The following TSC22D1 variants were observed in gnomAD, a reference collection of about 807,000 sequenced individuals.
The protein encoded by TSC22D1 is TSC22 domain family protein 1.
A neutral mutation model predicts 74.2 loss-of-function variants in TSC22D1; 9 were observed. The observed-to-expected ratio is 0.12, with a 90% confidence interval of 0.07 to 0.21. TSC22D1 has a LOEUF of 0.21. Among genes scored for constraint, TSC22D1 ranks in the 10% least tolerant of loss-of-function variants. The pLI, the probability that TSC22D1 is intolerant of heterozygous loss-of-function variation, is 1.00. For missense variants in TSC22D1, 1,427 were observed against 1,304.7 expected, an observed-to-expected ratio of 1.09 and a Z score of -1.44; for synonymous variants, 586 against 492.5, an observed-to-expected ratio of 1.19 and a Z score of -2.51.
At chr13:44,549,688 C>A (rs1882082165) in intron 1 of TSC22D1, among the ~76,000 whole-genome samples, 1 of 151,064 alleles carries the variant, frequency 6.6e-6, no homozygotes, top group African/African-American at 2.4e-5. Context: ...GTGGCTTGAG[C>A]CCAAGGAGGC....
At chr13:44,456,032 C>A (rs1174528669) in intron 1 of TSC22D1, among the ~76,000 whole-genome samples, 1 of 152,112 alleles carries the variant, frequency 6.6e-6, no homozygotes, top group African/African-American at 2.4e-5. Flanking sequence ...ATAAGACAGA[C>A]CCAATCTTAC....
intron 1 of TSC22D1, among the ~76,000 whole-genome samples, chr13:44,463,134 T>G (rs1877091146): frequency 6.6e-6 from 1 of 152,170 alleles, no homozygotes; most frequent in South Asian, 2.1e-4. Flanking sequence ...GAGTTTCTCA[T>G]GTGTTTGATT....
chr13:44,533,640 G>A (rs1242207245), intron 1 of TSC22D1, among the ~76,000 whole-genome samples: 1 of 151,736 alleles, frequency 6.6e-6, no homozygotes, highest in African/African-American at 2.4e-5. Flanking sequence ...TAAATTAGCT[G>A]AGCATGATGG....
chr13:44,520,217 G>A (rs557225500), intron 1 of TSC22D1, among the ~76,000 whole-genome samples: 16 of 152,232 alleles, frequency 1.1e-4, no homozygotes, highest in African/African-American at 3.9e-4. Context: ...ATAAAGTCCA[G>A]GTAGAGTGAG....
At chr13:44,496,481 G>A (rs1404660231) in intron 1 of TSC22D1, among the ~76,000 whole-genome samples, 4 of 152,006 alleles carry the variant, frequency 2.6e-5, no homozygotes, top group Admixed American at 2.0e-4. Context: ...GCAGGAGTTC[G>A]AGACCAGCCT....
chr13:44,576,110 C>A lies in TSC22D1; in HGVS notation c.-36G>T. The A allele has an allele frequency of 6.8e-7, 1 of 1,474,004 alleles. No individual in the cohort carries two copies. The highest frequency in any genetic ancestry group is 8.9e-7 in the Non-Finnish European group (1 of 1,118,918). The allele number at this position is 1,474,004 out of a possible 1,614,324, so 91.3% of individuals were successfully genotyped here. On this transcript the variant is annotated 5_prime_UTR_variant, in exon 1 of 3. Coordinates refer to ENST00000458659, the MANE Select transcript of TSC22D1 (RefSeq NM_183422.4). ...ACCGGGGGCGCGGAGGAGACGAGTG[C>A]AATTTCCTTCTGCACCGTAATCTTT...
At chr13:44,462,101 T>C (rs992448525) in intron 1 of TSC22D1, among the ~76,000 whole-genome samples, 4 of 152,162 alleles carry the variant, frequency 2.6e-5, no homozygotes, top group Non-Finnish European at 5.9e-5. Context: ...AATGTAAACA[T>C]CATTTCAAAT....
At chr13:44,510,253 G>A (rs887019447) in intron 1 of TSC22D1, among the ~76,000 whole-genome samples, 4 of 151,596 alleles carry the variant, frequency 2.6e-5, no homozygotes, top group Admixed American at 6.6e-5. Flanking sequence ...TTAGCCGGGC[G>A]TGGTGGCGCA....
At position 44,434,896 on chromosome 13, in the gene TSC22D1, C is replaced by A. The variant is rs771783452; in HGVS notation, c.2965-13G>T. The A allele has an allele frequency of 5.6e-6, 9 of 1,603,520 alleles. No individual in the cohort carries two copies. Among genetic ancestry groups the A allele is most frequent in the Non-Finnish European group, 7.7e-6 (9 of 1,174,816 alleles). ...TTTTCACTAGATCCTGGAAAGAAGA[C>A]AGAAAAGGTTTAACTCATTATTTGG... On this transcript the variant is annotated splice_polypyrimidine_tract_variant and intron_variant, in intron 2 of 2. Transcript: ENST00000458659.
rs562991160 is a variant in TSC22D1 at position 44,574,481 on chromosome 13, C to T, written c.1594G>A (p.Ala532Thr). The T allele has an allele frequency of 2.1e-4, 336 of 1,613,970 alleles. 2 individuals carry two copies. In the South Asian group the frequency reaches 3.4e-3, roughly 16 times the overall value. ...GAAATACTCTGTGGTATACTAACTG[C>T]TGGAATACTCTGTGGACCAGTGCTA... ...FGSTGPQSIP[A>T]VSIPQSISQS... is the part of the protein sequence containing the mutation. Residue 532 changes from alanine to threonine, a missense_variant, in exon 1 of 3, where the codon GCA becomes ACA. By Grantham distance (58) the Ala-to-Thr change is moderately conservative. Around this residue, in one of 3 missense-constraint regions of TSC22D1, gnomAD observed 1,343 missense variants for 1,191.5 expected, o/e 1.13. Coordinates refer to ENST00000458659, the MANE Select transcript of TSC22D1 (RefSeq NM_183422.4).
chr13:44,460,874 T>TAA (rs1345926921), intron 1 of TSC22D1, among the ~76,000 whole-genome samples: 2 of 152,170 alleles, frequency 1.3e-5, no homozygotes, highest in Non-Finnish European at 2.9e-5. Flanking sequence ...GCCCTCCTTC[T>TAA]AAAAAGCTTT....
At position 44,573,802 on chromosome 13, in the gene TSC22D1, G is replaced by A. The variant is rs149172371; in HGVS notation, c.2273C>T (p.Ala758Val). The change falls in exon 1 of 3, where the codon GCT becomes GTT. Residue 758 changes from alanine (A) to valine (V), a missense_variant. Ala to Val is a moderately conservative substitution (Grantham distance 64). Coordinates refer to ENST00000458659, the MANE Select transcript of TSC22D1 (RefSeq NM_183422.4). ...TGGAACCACTTGCGAAGATGGAGGAGCACCCTGCTGAATAACTGAAGGTGG... is the reference window on the plus strand; with the variant it reads ...TGGAACCACTTGCGAAGATGGAGGAACACCCTGCTGAATAACTGAAGGTGG... ...QVPPSVIQQG[A>V]PPSSQVVPPA... The A allele has an allele frequency of 1.1e-5, 17 of 1,614,138 alleles. No homozygotes were observed. The highest frequency in any genetic ancestry group is 1.4e-5 in the Non-Finnish European group (16 of 1,180,054).
At position 44,574,971 on chromosome 13, in the gene TSC22D1, G is replaced by C; in HGVS notation, c.1104C>G (p.Gly368=). The change falls in exon 1 of 3, where the codon GGC becomes GGG. Residue 368 remains glycine (G), a synonymous_variant. Coordinates refer to ENST00000458659, the MANE Select transcript of TSC22D1 (RefSeq NM_183422.4). Reference sequence around the variant, plus strand: ...CAGCAGAGGAAGAAATAGTACCATTGCCCATGCCACTCAAGATATTCACAT... The same window carrying C: ...CAGCAGAGGAAGAAATAGTACCATTCCCCATGCCACTCAAGATATTCACAT... ...GVNVNILSGM[G]NGTISSSAAV... is the part of the protein sequence containing the mutation. The C allele has an allele frequency of 6.2e-7, 1 of 1,614,040 alleles. No individual in the cohort carries two copies. The highest frequency in any genetic ancestry group is 8.5e-7 in the Non-Finnish European group (1 of 1,180,028).
rs150675770 is a variant in TSC22D1, at chr13:44,434,665, G to C, written c.3183C>G (p.Pro1061=). The C allele has an allele frequency of 2.5e-6, 4 of 1,596,164 alleles. No individual in the cohort carries two copies. Among genetic ancestry groups the C allele is most frequent in the African/African-American group, 1.3e-5 (1 of 74,390 alleles). The change falls in exon 3 of 3, where the codon CCC becomes CCG. Residue 1061 remains proline (P), a synonymous_variant. Coordinates refer to ENST00000458659, the MANE Select transcript of TSC22D1 (RefSeq NM_183422.4). ...CTGAGCCCTGCGATGCTGGCTGGGCGGGGGGCTGTGTGGTGCCCTGTGGCT... is the reference window on the plus strand; with the variant it reads ...CTGAGCCCTGCGATGCTGGCTGGGCCGGGGGCTGTGTGGTGCCCTGTGGCT... ...TTQPQGTTQP[P]AQPASQGSGP...
chr13:44,462,243 A>G (rs1232903790), intron 1 of TSC22D1, among the ~76,000 whole-genome samples: 2 of 152,190 alleles, frequency 1.3e-5, no homozygotes, highest in African/African-American at 2.4e-5. Context: ...AGTAACAAGA[A>G]AATTACTATC....
chr13:44,492,645 C>T (rs532281805), intron 1 of TSC22D1, among the ~76,000 whole-genome samples: 2 of 152,018 alleles, frequency 1.3e-5, no homozygotes, highest in African/African-American at 4.8e-5. Flanking sequence ...TAAGCTCCCC[C>T]CTCCAAACAA....
At chr13:44,473,701 C>A (rs1447006545) in intron 1 of TSC22D1, among the ~76,000 whole-genome samples, 1 of 151,872 alleles carries the variant, frequency 6.6e-6, no homozygotes, top group African/African-American at 2.4e-5. Flanking sequence ...CACAAAAATC[C>A]ACATTTCAAA....
chr13:44,489,180 A>G (rs1016437445), intron 1 of TSC22D1, among the ~76,000 whole-genome samples: 2 of 147,682 alleles, frequency 1.4e-5, no homozygotes, highest in African/African-American at 5.0e-5. Context: ...GGAAAAAATT[A>G]CTTTTGAGCC....
intron 1 of TSC22D1, chr13:44,437,074 T>G (rs1874756723): frequency 5.2e-6 from 5 of 970,406 alleles, no homozygotes; most frequent in Middle Eastern, 5.2e-4. Context: ...GGGTGCTGGG[T>G]TCGGAGGTTT....
Sources: allele counts gnomAD v4.1 joint callset (sites outside exome capture counted in the v4.1 genomes callset), GRCh38; gene constraint gnomAD v4.1.1; regional missense constraint gnomAD v4.1.1; transcripts MANE v1.5; gene names NCBI Gene and HGNC (gene_info 2026-07-23, HGNC 2026-07-21).